RASGRF2: variants seen among roughly 807,000 people sequenced by gnomAD.
RASGRF2 encodes the protein ras-specific guanine nucleotide-releasing factor 2.
In RASGRF2, 76 loss-of-function variants were observed where a neutral mutation model predicts 151.0. That is an observed-to-expected ratio of 0.50 (90% CI 0.42 to 0.61). The LOEUF (loss-of-function observed/expected upper bound fraction) is 0.61. Among genes scored for constraint, RASGRF2 ranks in the 20% least tolerant of loss-of-function variants. The probability of loss-of-function intolerance (pLI) is 0.00; values close to 1 mark genes in which losing one functional copy is unlikely to be tolerated. For synonymous variants in RASGRF2, 504 were observed against 566.5 expected (o/e 0.89, Z 1.57); for missense variants, 1,148 against 1,564.6 (o/e 0.73, Z 4.49).
chr5:80,960,773 C>G lies in RASGRF2; in HGVS notation c.35C>G (p.Ala12Gly), dbSNP rs757750069. ...AGCGTGCGCTACAACGAGGGGCACGCCCTGTACCTGGCCTTTCTGGCGCGC... is the reference window on the plus strand; with the variant it reads ...AGCGTGCGCTACAACGAGGGGCACGGCCTGTACCTGGCCTTTCTGGCGCGC... ...QKSVRYNEGH[A>G]LYLAFLARKE... Residue 12 changes from alanine to glycine, a missense_variant, in exon 1 of 27, where the codon GCC (alanine) becomes GGC (glycine). This residue lies in a region of RASGRF2 where 221 missense variants were observed against 271.3 expected (regional missense o/e 0.81). Transcript: ENST00000265080. The surrounding 1 kb of genome is among the most constrained non-coding windows in gnomAD (Gnocchi z 5.5). 5.2e-5 allele frequency: 83 copies of G among 1,610,748 alleles called. No homozygotes were observed. Among genetic ancestry groups the G allele is most frequent in the Non-Finnish European group, 4.6e-5 (54 of 1,178,246 alleles).
chr5:81,060,660 T>A (rs1408550837), intron 2 of RASGRF2, among the ~76,000 whole-genome samples: 1 of 152,200 alleles, frequency 6.6e-6, no homozygotes, highest in East Asian at 1.9e-4. Context: ...TAAATATTTA[T>A]TGACTCAAAG....
At chr5:81,143,305 G>A (rs1580355306) in intron 17 of RASGRF2, among the ~76,000 whole-genome samples, 2 of 151,538 alleles carry the variant, frequency 1.3e-5, no homozygotes, top group Non-Finnish European at 2.9e-5. Context: ...ATGCTACCAC[G>A]CCTGGCTAAT....
At chr5:81,059,357 CTGGG>C (rs1428423387) in intron 2 of RASGRF2, among the ~76,000 whole-genome samples, 1 of 142,798 alleles carries the variant, frequency 7.0e-6, no homozygotes, top group African/African-American at 2.6e-5. Flanking sequence ...GCACTCCAGC[CTGGG>C]TGACAGAGCG....
chr5:80,995,785 C>G (rs141820293), intron 1 of RASGRF2, among the ~76,000 whole-genome samples: 1 of 149,094 alleles, frequency 6.7e-6, no homozygotes, highest in Non-Finnish European at 1.5e-5. Context: ...CTGCGCCTCC[C>G]GGGTTCAAGC....
intron 2 of RASGRF2, among the ~76,000 whole-genome samples, chr5:81,059,673 C>T (rs1298164225): frequency 4.6e-5 from 7 of 151,506 alleles, no homozygotes; most frequent in South Asian, 2.1e-4. Flanking sequence ...GGTGAAACCC[C>T]GTCTCTACTA....
At chr5:81,223,135 T>G (rs1044229383) in intron 26 of RASGRF2, among the ~76,000 whole-genome samples, 1 of 152,206 alleles carries the variant, frequency 6.6e-6, no homozygotes, top group Non-Finnish European at 1.5e-5. Flanking sequence ...CTTACTATTG[T>G]AAAGAGGTCC....
chr5:81,102,463 G>A (rs1752722840), intron 12 of RASGRF2, among the ~76,000 whole-genome samples: 1 of 152,206 alleles, frequency 6.6e-6, no homozygotes, highest in Non-Finnish European at 1.5e-5. Context: ...GGGAGGCCAA[G>A]GCGGGTGGAT....
At chr5:81,025,212 C>T (rs1398825071) in intron 1 of RASGRF2, among the ~76,000 whole-genome samples, 1 of 152,220 alleles carries the variant, frequency 6.6e-6, no homozygotes, top group East Asian at 1.9e-4. Context: ...TAAGACAAGC[C>T]CAGCCTGGCT....
chr5:81,154,741 G>GA (rs777827139), intron 17 of RASGRF2, among the ~76,000 whole-genome samples: 4 of 152,074 alleles, frequency 2.6e-5, no homozygotes, highest in African/African-American at 7.2e-5. Flanking sequence ...ATGGGTCAAA[G>GA]AAAAAATAGA....
intron 1 of RASGRF2, among the ~76,000 whole-genome samples, chr5:80,987,710 C>T (rs376467848): frequency 2.6e-5 from 4 of 152,064 alleles, no homozygotes; most frequent in Non-Finnish European, 4.4e-5. Context: ...GTAGATTCTT[C>T]GTTAAAGAAA....
At chr5:81,131,327 A>G (rs1244836561) in intron 17 of RASGRF2, among the ~76,000 whole-genome samples, 2 of 151,886 alleles carry the variant, frequency 1.3e-5, no homozygotes, top group Admixed American at 6.6e-5. Flanking sequence ...CCTAATTTCC[A>G]CATAGACTGG....
At chr5:81,224,265 T>C (rs1220071198) in intron 26 of RASGRF2, among the ~76,000 whole-genome samples, 1 of 152,230 alleles carries the variant, frequency 6.6e-6, no homozygotes, top group Non-Finnish European at 1.5e-5. Context: ...TTTTCACTTA[T>C]CGGATTGACA....
At chr5:81,137,614 T>C (rs1237664078) in intron 17 of RASGRF2, among the ~76,000 whole-genome samples, 1 of 152,288 alleles carries the variant, frequency 6.6e-6, no homozygotes, top group Non-Finnish European at 1.5e-5. Context: ...TCAGGTCATA[T>C]GGATGAACCC....
intron 7 of RASGRF2, among the ~76,000 whole-genome samples, chr5:81,081,882 T>A (rs1452845589): frequency 6.6e-6 from 1 of 152,222 alleles, no homozygotes; most frequent in Non-Finnish European, 1.5e-5. Context: ...TTTGTTTTCC[T>A]TTGGAACTGA....
intron 1 of RASGRF2, among the ~76,000 whole-genome samples, chr5:81,026,736 T>C (rs1430133461): frequency 1.3e-5 from 2 of 152,110 alleles, no homozygotes; most frequent in Non-Finnish European, 2.9e-5. Flanking sequence ...AAGCTGCGTA[T>C]GTATTTTTAA....
At chr5:81,150,729 A>G (rs1754116405) in intron 17 of RASGRF2, among the ~76,000 whole-genome samples, 1 of 152,236 alleles carries the variant, frequency 6.6e-6, no homozygotes, top group African/African-American at 2.4e-5. Flanking sequence ...GTTTAAACTA[A>G]AAAGTTTAAA....
intron 1 of RASGRF2, among the ~76,000 whole-genome samples, chr5:81,021,448 T>G (rs1297698136): frequency 6.6e-6 from 1 of 152,156 alleles, no homozygotes; most frequent in Non-Finnish European, 1.5e-5. Flanking sequence ...GTTGAAATAG[T>G]AAACTCTAAT....
intron 15 of RASGRF2, among the ~76,000 whole-genome samples, chr5:81,121,870 A>C (rs1366649570): frequency 6.6e-6 from 1 of 152,216 alleles, no homozygotes; most frequent in Admixed American, 6.5e-5. Context: ...CACTTAGACC[A>C]TGGCCGTGCA....
At chr5:80,966,082 T>A (rs534724876) in intron 1 of RASGRF2, among the ~76,000 whole-genome samples, 1 of 112,862 alleles carries the variant, frequency 8.9e-6, no homozygotes, top group Admixed American at 8.3e-5. Flanking sequence ...GGGATATATG[T>A]TTGTGTGTGT....
Sources: allele counts gnomAD v4.1 joint callset (sites outside exome capture counted in the v4.1 genomes callset), GRCh38; gene constraint gnomAD v4.1.1; regional missense constraint gnomAD v4.1.1; non-coding constraint Gnocchi (gnomAD v3.1); transcripts MANE v1.5; gene names NCBI Gene and HGNC (gene_info 2026-07-23, HGNC 2026-07-21).